The following AP3M1 variants were observed in gnomAD, a reference collection of about 807,000 sequenced individuals.
The protein encoded by AP3M1 is AP-3 complex subunit mu-1.
In AP3M1, 29 loss-of-function variants were observed where a neutral mutation model predicts 42.6. That is an observed-to-expected ratio of 0.68 (90% CI 0.51 to 0.93). The LOEUF (loss-of-function observed/expected upper bound fraction) is 0.93, where lower values mean the gene tolerates loss of function less well. Ranked by LOEUF, AP3M1 falls within the 40% of genes least tolerant of loss-of-function variation. AP3M1 has a pLI of 0.00. For synonymous variants in AP3M1, 178 were observed against 175.3 expected, an observed-to-expected ratio of 1.02 and a Z score of -0.12; for missense variants, 416 against 510.2, an observed-to-expected ratio of 0.82 and a Z score of 1.78.
chr10:74,136,343 A>G (rs1357114568), intron 3 of AP3M1, among the ~76,000 whole-genome samples: 2 of 152,170 alleles, frequency 1.3e-5, no homozygotes, highest in Non-Finnish European at 2.9e-5. Flanking sequence ...TTCTTTAGGA[A>G]TAACTGGAAC....
chr10:74,137,434 C>T (rs1420329487), intron 2 of AP3M1, among the ~76,000 whole-genome samples: 1 of 152,068 alleles, frequency 6.6e-6, no homozygotes, highest in Non-Finnish European at 1.5e-5. Context: ...TCCCAAAATA[C>T]ATATAGATAA....
chr10:74,149,892 C>T (rs911302447), intron 1 of AP3M1, among the ~76,000 whole-genome samples: 1 of 152,184 alleles, frequency 6.6e-6, no homozygotes, highest in Non-Finnish European at 1.5e-5. Context: ...CACTTGCAGT[C>T]TTTCCTCAGT....
intron 1 of AP3M1, 141 bp downstream of exon 1, chr10:74,150,614 T>C (rs1389689883): frequency 2.0e-5 from 3 of 152,032 alleles, no homozygotes; most frequent in South Asian, 2.0e-4. Context: ...AGGCCGGGAG[T>C]GGGGGGGAAG....
chr10:74,136,447 T>G (rs1415027351), intron 3 of AP3M1, among the ~76,000 whole-genome samples, 185 bp downstream of exon 3: 2 of 152,220 alleles, frequency 1.3e-5, no homozygotes, highest in African/African-American at 4.8e-5. Flanking sequence ...CAAAAGTTCT[T>G]TATCACTTAA....
chr10:74,134,401 T>G (rs182488263), intron 3 of AP3M1, among the ~76,000 whole-genome samples: 1 of 152,236 alleles, frequency 6.6e-6, no homozygotes, highest in Non-Finnish European at 1.5e-5. Context: ...TTTACTTATC[T>G]TTTGCCTCCT....
Position 74,136,630 on chromosome 10 carries a change from A to T in AP3M1, c.445+2T>A, listed in dbSNP as rs1381733240. 1 of 1,537,286 alleles carries T rather than the reference A, an allele frequency of 6.5e-7. No individual in the cohort carries two copies. The highest frequency in any genetic ancestry group is 8.9e-7 in the Non-Finnish European group (1 of 1,127,560). On this transcript the variant is annotated splice_donor_variant, in intron 3 of 8. Coordinates refer to ENST00000355264, the MANE Select transcript of AP3M1 (RefSeq NM_012095.6). LOFTEE classifies it high-confidence loss of function. Reference sequence around the variant, plus strand: ...TACTAGCACAGTATGTTTTCATCTTACCTGTAATAGAGTTGACAACAGAGC... The same window carrying T: ...TACTAGCACAGTATGTTTTCATCTTTCCTGTAATAGAGTTGACAACAGAGC...
At chr10:74,125,923 C>T (rs1261733623) in intron 7 of AP3M1, among the ~76,000 whole-genome samples, 2 of 152,194 alleles carry the variant, frequency 1.3e-5, no homozygotes, top group African/African-American at 4.8e-5. Context: ...TGAAGGCACA[C>T]TCTGAAAAAG....
intron 6 of AP3M1, among the ~76,000 whole-genome samples, chr10:74,127,484 A>C (rs1336738231): frequency 6.6e-6 from 1 of 151,612 alleles, no homozygotes; most frequent in Non-Finnish European, 1.5e-5. Flanking sequence ...TCTCTAATAA[A>C]AAAAAAAAAT....
At chr10:74,134,192 G>T in intron 3 of AP3M1, 28 bp from the exon 4 acceptor site, 1 of 1,604,334 alleles carries the variant, frequency 6.2e-7, no homozygotes, top group Non-Finnish European at 8.5e-7. Flanking sequence ...AGAAGGCAAA[G>T]CTGATGTATA....
rs1840402434 is a variant in AP3M1, at chr10:74,120,429, T to C, written c.*3381A>G. The C allele has an allele frequency of 6.6e-6, 1 of 152,236 alleles. No individual in the cohort carries two copies. The highest frequency in any genetic ancestry group is 2.4e-5 in the African/African-American group (1 of 41,462). The allele number at this position is 152,236 out of a possible 1,614,324, so 9.4% of individuals were successfully genotyped here. ...CAGAAAGCAGCTGGATGAAACAGTT[T>C]ATTTTCATCTTAGAAGATTCTAGCT... On this transcript the variant is annotated 3_prime_UTR_variant, in exon 9 of 9. Transcript: ENST00000355264.
intron 2 of AP3M1, 94 bp downstream of exon 2, chr10:74,138,013 A>C: frequency 7.6e-7 from 1 of 1,312,844 alleles, no homozygotes; most frequent in Non-Finnish European, 1.0e-6. Context: ...ACAGACAGTA[A>C]ACATCAAAAC....
intron 7 of AP3M1, 115 bp downstream of exon 7, chr10:74,126,033 T>A (rs1191400224): frequency 2.8e-6 from 3 of 1,078,310 alleles, no homozygotes; most frequent in African/African-American, 3.1e-5. Context: ...TCTCTAGGTT[T>A]TGATACGAAC....
intron 1 of AP3M1, among the ~76,000 whole-genome samples, chr10:74,144,217 T>G (rs1191412539): frequency 6.6e-6 from 1 of 152,206 alleles, no homozygotes; most frequent in Non-Finnish European, 1.5e-5. Flanking sequence ...CGCCTCGGCC[T>G]CCCAAAGTGC....
chr10:74,133,348 T>G (rs1272374795), intron 4 of AP3M1, among the ~76,000 whole-genome samples: 3 of 150,730 alleles, frequency 2.0e-5, no homozygotes, highest in African/African-American at 7.3e-5. Flanking sequence ...GAGCTGAGAT[T>G]GCACCATTGC....
chr10:74,139,280 T>C (rs1413038891), intron 1 of AP3M1, among the ~76,000 whole-genome samples: 1 of 151,888 alleles, frequency 6.6e-6, no homozygotes. Context: ...CACAAGTCAA[T>C]ATAAAAATCA....
chr10:74,131,043 C>A (rs924333912), intron 4 of AP3M1, among the ~76,000 whole-genome samples: 2 of 151,976 alleles, frequency 1.3e-5, no homozygotes, highest in Admixed American at 1.3e-4. Context: ...ACGTAGAAGG[C>A]GGAGGTTGCA....
chr10:74,133,730 T>C (rs911121333), intron 4 of AP3M1, among the ~76,000 whole-genome samples: 4 of 151,188 alleles, frequency 2.6e-5, no homozygotes, highest in Non-Finnish European at 5.9e-5. Flanking sequence ...TCTTGTCTCA[T>C]TGCAACCTCT....
intron 1 of AP3M1, among the ~76,000 whole-genome samples, chr10:74,149,505 G>C (rs1433830536): frequency 6.6e-6 from 1 of 151,548 alleles, no homozygotes; most frequent in African/African-American, 2.4e-5. Flanking sequence ...GGCCAGGTTG[G>C]TCTCGAACTC....
In AP3M1 at chr10:74,146,908, GT is replaced by G. The variant is rs1346647606; in HGVS notation, c.-4+3846del. ...AAAAAAAAAAACAGGGTGGTTTTTA[GT>G]AACTATAGCTTATTAGTGTATTTCC... is the stretch of plus-strand genomic sequence containing the variant. On this transcript the variant is annotated intron_variant, in intron 1 of 8. Transcript: ENST00000355264. Among the ~76,000 whole-genome samples, 6 of 152,048 alleles carry G rather than the reference GT, an allele frequency of 3.9e-5. No homozygotes were observed. In the South Asian group the frequency reaches 8.3e-4, roughly 21 times the overall value.
Sources: allele counts gnomAD v4.1 joint callset (sites outside exome capture counted in the v4.1 genomes callset), GRCh38; gene constraint gnomAD v4.1.1; transcripts MANE v1.5; gene names NCBI Gene and HGNC (gene_info 2026-07-23, HGNC 2026-07-21).